The following CRACDL variants were observed in gnomAD, a reference collection of about 807,000 sequenced individuals.
The protein encoded by CRACDL is CRACD like.
CRACDL carries 26 observed loss-of-function variants against 70.6 expected under a neutral mutation model. That is an observed-to-expected ratio of 0.37 (90% CI 0.27 to 0.51). CRACDL has a LOEUF of 0.51. Ranked by LOEUF, CRACDL falls within the 20% of genes least tolerant of loss-of-function variation. The pLI is 0.94. For missense variants in CRACDL, 1,283 were observed against 1,376.9 expected (o/e 0.93, Z 1.08); for synonymous variants, 618 against 615.2 (o/e 1.00, Z -0.07).
At chr2:98,909,981 C>T (rs1220715624) in intron 1 of CRACDL, among the ~76,000 whole-genome samples, 3 of 152,166 alleles carry the variant, frequency 2.0e-5, no homozygotes, top group Non-Finnish European at 4.4e-5. Context: ...GATTCCCACC[C>T]CTCCGGATTA....
At chr2:98,914,664 G>A (rs1372238287) in intron 1 of CRACDL, among the ~76,000 whole-genome samples, 1 of 152,144 alleles carries the variant, frequency 6.6e-6, no homozygotes, top group Non-Finnish European at 1.5e-5. Context: ...GCCGGCTGGC[G>A]ACCTCATGGA....
At chr2:98,799,683 C>T (rs1216112978) in intron 7 of CRACDL, among the ~76,000 whole-genome samples, 1 of 152,226 alleles carries the variant, frequency 6.6e-6, no homozygotes, top group Non-Finnish European at 1.5e-5. Flanking sequence ...ACCCTTAGCT[C>T]AAATGGCCTC....
chr2:98,892,002 C>T (rs1026140772), intron 1 of CRACDL, among the ~76,000 whole-genome samples: 1 of 152,138 alleles, frequency 6.6e-6, no homozygotes, highest in Admixed American at 6.5e-5. Flanking sequence ...CTAAATGTAA[C>T]AATCAGACTC....
chr2:98,796,298 A>G lies in CRACDL; in HGVS notation c.2605-34T>C. ...ACATAAGACACATGCTGCCAAGTTA[A>G]CAATGATTCAGACAGGGGCAAACAC... is the stretch of plus-strand genomic sequence containing the variant. On this transcript the variant is annotated intron_variant, in intron 8 of 9. Coordinates refer to ENST00000397899, the MANE Select transcript of CRACDL (RefSeq NM_207362.3). 3 of 1,602,350 alleles carry G rather than the reference A, an allele frequency of 1.9e-6. No individual in the cohort carries two copies. The South Asian group carries it at 3.3e-5, about 18-fold the overall frequency.
At chr2:98,850,089 G>A (rs1183835257) in intron 1 of CRACDL, among the ~76,000 whole-genome samples, 1 of 152,218 alleles carries the variant, frequency 6.6e-6, no homozygotes, top group Non-Finnish European at 1.5e-5. Context: ...CCTGGCAGCA[G>A]GTAAGCGCCA....
chr2:98,821,497 G>A (rs1052820672), intron 7 of CRACDL, among the ~76,000 whole-genome samples: 21 of 152,306 alleles, frequency 1.4e-4, no homozygotes, highest in African/African-American at 5.1e-4. Context: ...CTCTAGATTA[G>A]GGGTGTCCAA....
In CRACDL at chr2:98,832,941, G is replaced by A; in HGVS notation, c.296C>T (p.Pro99Leu). The A allele has an allele frequency of 1.9e-6, 3 of 1,614,120 alleles. No homozygotes were observed. The change falls in exon 4 of 10, where the codon CCT (proline) becomes CTT (leucine). Residue 99 changes from proline (P) to leucine (L), a missense_variant. Around this residue, in one of 2 missense-constraint regions of CRACDL, gnomAD observed 362 missense variants for 495.0 expected, o/e 0.73. Coordinates refer to ENST00000397899, the MANE Select transcript of CRACDL (RefSeq NM_207362.3). ...RALSHDSIFIPESGQDATRPV... is the reference protein window; with the variant it reads ...RALSHDSIFILESGQDATRPV... ...CCGAGTAGCGTCCTGTCCGGACTCAGGAATGAAAATACTGTCGTGAGAAAG... is the reference window on the plus strand; with the variant it reads ...CCGAGTAGCGTCCTGTCCGGACTCAAGAATGAAAATACTGTCGTGAGAAAG...
At chr2:98,797,145 AG>A (rs1703857202) in intron 8 of CRACDL, among the ~76,000 whole-genome samples, 1 of 152,248 alleles carries the variant, frequency 6.6e-6, no homozygotes, top group Admixed American at 6.5e-5. Flanking sequence ...ATGCAAAGGC[AG>A]GCAGAATGCT....
At chr2:98,821,829 C>T (rs1472223797) in intron 7 of CRACDL, 28 bp downstream of exon 7, 1 of 1,604,358 alleles carries the variant, frequency 6.2e-7, no homozygotes, top group East Asian at 2.2e-5. Context: ...CAGGCCCTGC[C>T]CTTCCCGCAC....
At position 98,797,516 on chromosome 2, in the gene CRACDL, G is replaced by C; in HGVS notation, c.2438C>G (p.Ala813Gly). Reference sequence around the variant, plus strand: ...CTGCCCATCAGCTCCAGGCCCTGTTGCTGCAGGCGGCAGACTCTTTTCTGT... The same window carrying C: ...CTGCCCATCAGCTCCAGGCCCTGTTCCTGCAGGCGGCAGACTCTTTTCTGT... ...RGAEKSLPPAATGPGADGQPA... is the reference protein window; with the variant it reads ...RGAEKSLPPAGTGPGADGQPA... Residue 813 changes from alanine to glycine, a missense_variant, in exon 8 of 10, where the codon GCA (alanine) becomes GGA (glycine). Around this residue, in one of 2 missense-constraint regions of CRACDL, gnomAD observed 921 missense variants for 881.9 expected, o/e 1.04. Coordinates refer to ENST00000397899, the MANE Select transcript of CRACDL (RefSeq NM_207362.3). The C allele has an allele frequency of 6.2e-7, 1 of 1,613,978 alleles. No individual in the cohort carries two copies.
At chr2:98,889,279 AAGAG>A (rs1258593599) in intron 1 of CRACDL, among the ~76,000 whole-genome samples, 2 of 124,732 alleles carry the variant, frequency 1.6e-5, no homozygotes, top group Admixed American at 8.8e-5. Flanking sequence ...GAAACAGAAA[AAGAG>A]AGAGAAAGAA....
Position 98,822,560 on chromosome 2 carries a change from C to G in CRACDL, c.1713G>C (p.Ala571=), listed in dbSNP as rs887038798. ...GGCACGAGGACACCGAGAACTTCTT[C>G]GCGCCTCGCAGCTCGGCACCGCCCC... is the stretch of plus-strand genomic sequence containing the variant. ...AERGGAELRG[A]KKFSVSSCRA... is the part of the protein sequence containing the mutation. The change falls in exon 7 of 10, where the codon GCG becomes GCC. Residue 571 remains alanine (A), a synonymous_variant. Transcript: ENST00000397899. This position sits in a 1 kb window ranked among gnomAD's most constrained non-coding sequence, Gnocchi z 4.9. 6 of 1,465,230 alleles carry G rather than the reference C, an allele frequency of 4.1e-6. No homozygotes were observed. Among genetic ancestry groups the G allele is most frequent in the African/African-American group, 1.5e-5 (1 of 67,734 alleles). 90.8% of individuals were successfully genotyped at this position (1,465,230 alleles called of 1,614,324 possible).
intron 3 of CRACDL, among the ~76,000 whole-genome samples, chr2:98,834,591 A>C (rs907963856): frequency 6.6e-6 from 1 of 152,272 alleles, no homozygotes; most frequent in Non-Finnish European, 1.5e-5. Context: ...ACAAATAAAT[A>C]AAAGTGGTTT....
intron 2 of CRACDL, among the ~76,000 whole-genome samples, chr2:98,838,704 T>G (rs184681131): frequency 2.6e-5 from 4 of 152,312 alleles, no homozygotes; most frequent in Admixed American, 2.6e-4. Flanking sequence ...TGAATTGCTT[T>G]GTCTAGTGTG....
intron 1 of CRACDL, among the ~76,000 whole-genome samples, chr2:98,882,426 C>T (rs1707676784): frequency 6.6e-6 from 1 of 152,162 alleles, no homozygotes; most frequent in Non-Finnish European, 1.5e-5. Flanking sequence ...GGTTTCAGGC[C>T]CAGGAGAGTG....
rs1705064811 is a variant in CRACDL, at chr2:98,822,040, G to T, written c.2233C>A (p.Gln745Lys). 1.3e-6 allele frequency: 2 copies of T among 1,544,554 alleles called. No homozygotes were observed. The highest frequency in any genetic ancestry group is 1.7e-6 in the Non-Finnish European group (2 of 1,144,178). ...ALRGTRAPSD[Q>K]GKGKARPPEP... ...GGGGGCCGGGCCTTCCCCTTTCCTTGGTCGCTGGGGGCCCTGGTGCCTCGA... is the reference window on the plus strand; with the variant it reads ...GGGGGCCGGGCCTTCCCCTTTCCTTTGTCGCTGGGGGCCCTGGTGCCTCGA... Residue 745 changes from glutamine to lysine, a missense_variant, in exon 7 of 10, where the codon CAA becomes AAA. Around this residue, in one of 2 missense-constraint regions of CRACDL, gnomAD observed 921 missense variants for 881.9 expected, o/e 1.04. Transcript: ENST00000397899. This position sits in a 1 kb window ranked among gnomAD's most constrained non-coding sequence, Gnocchi z 4.9.
intron 1 of CRACDL, among the ~76,000 whole-genome samples, chr2:98,878,805 G>T (rs375584620): frequency 1.3e-4 from 20 of 152,282 alleles, no homozygotes; most frequent in African/African-American, 4.1e-4. Context: ...CACGAGAGAA[G>T]TACAGTTTCC....
intron 1 of CRACDL, among the ~76,000 whole-genome samples, chr2:98,894,655 A>G (rs1299285766): frequency 6.6e-6 from 1 of 152,148 alleles, no homozygotes; most frequent in Admixed American, 6.5e-5. Context: ...CAACAGCCTC[A>G]ACTCCTCAGC....
chr2:98,882,915 G>A (rs1399046925), intron 1 of CRACDL, among the ~76,000 whole-genome samples: 1 of 152,210 alleles, frequency 6.6e-6, no homozygotes, highest in East Asian at 1.9e-4. Context: ...ACAGGGTAGA[G>A]GGATGACCCC....
Sources: gnomAD v4.1 joint callset for allele counts (sites outside exome capture counted in the v4.1 genomes callset) on GRCh38, gnomAD v4.1.1 for gene constraint, gnomAD v4.1.1 regional missense constraint, Gnocchi (gnomAD v3.1) non-coding constraint, MANE v1.5 for transcripts, NCBI Gene and HGNC (gene_info 2026-07-23, HGNC 2026-07-21) for gene names.